OPCML: variants seen among roughly 807,000 people sequenced by gnomAD.
OPCML encodes the protein opioid binding protein/cell adhesion molecule like, also known as opioid-binding protein/cell adhesion molecule.
Under a neutral mutation model 37.8 loss-of-function variants are expected in OPCML, and 13 were observed. That is an observed-to-expected ratio of 0.34 (90% CI 0.22 to 0.55). OPCML has a LOEUF of 0.55. Ranked by LOEUF, OPCML falls within the 20% of genes least tolerant of loss-of-function variation. The pLI, the probability that OPCML is intolerant of heterozygous loss-of-function variation, is 0.91. For missense variants in OPCML, 341 were observed against 435.6 expected (o/e 0.78, Z 1.93); for synonymous variants, 176 against 168.8 (o/e 1.04, Z -0.33).
intron 1 of OPCML, among the ~76,000 whole-genome samples, chr11:133,079,745 C>T (rs550422985): frequency 7.9e-5 from 12 of 152,002 alleles, no homozygotes; most frequent in East Asian, 1.9e-4. Context: ...CCTCCACTTC[C>T]GCCTGCCTGT....
chr11:132,999,610 C>T (rs1946957767), intron 1 of OPCML, among the ~76,000 whole-genome samples: 1 of 150,512 alleles, frequency 6.6e-6, no homozygotes, highest in Non-Finnish European at 1.5e-5. Context: ...AGCTTTTTAA[C>T]ATTTAAATTT....
At chr11:132,730,002 A>G (rs868767694) in intron 2 of OPCML, among the ~76,000 whole-genome samples, 2 of 134,690 alleles carry the variant, frequency 1.5e-5, no homozygotes, top group South Asian at 2.4e-4. Context: ...GCAGTCTTCT[A>G]TGTGACTTTT....
chr11:133,083,155 C>A (rs1171502496), intron 1 of OPCML, among the ~76,000 whole-genome samples: 1 of 150,894 alleles, frequency 6.6e-6, no homozygotes, highest in African/African-American at 2.5e-5. Context: ...CACACACACA[C>A]ACGCACACAC....
chr11:133,080,919 T>G (rs1357496749), intron 1 of OPCML, among the ~76,000 whole-genome samples: 2 of 151,986 alleles, frequency 1.3e-5, no homozygotes, highest in Non-Finnish European at 2.9e-5. Context: ...GGTCTCGGAG[T>G]CTAGTGGGGA....
intron 2 of OPCML, among the ~76,000 whole-genome samples, chr11:132,839,325 C>T (rs897149625): frequency 6.6e-6 from 1 of 152,118 alleles, no homozygotes; most frequent in African/African-American, 2.4e-5. Flanking sequence ...GACAGGGGAA[C>T]GCTAGAACCC....
chr11:133,238,602 C>A (rs902641004), intron 1 of OPCML, among the ~76,000 whole-genome samples: 13 of 152,242 alleles, frequency 8.5e-5, no homozygotes, highest in Admixed American at 5.9e-4. Flanking sequence ...TCCTACCCAC[C>A]CACCTGCAAG....
intron 3 of OPCML, among the ~76,000 whole-genome samples, chr11:132,609,579 C>T (rs1370555471): frequency 1.3e-5 from 2 of 152,194 alleles, no homozygotes; most frequent in African/African-American, 4.8e-5. Context: ...ACACCATTCC[C>T]ACCACGCTTC....
At chr11:133,221,613 G>A (rs1461799857) in intron 1 of OPCML, among the ~76,000 whole-genome samples, 2 of 152,198 alleles carry the variant, frequency 1.3e-5, no homozygotes, top group Admixed American at 6.5e-5. Context: ...GAAGGTGCAA[G>A]GCAGTGTCTC....
At chr11:133,038,487 A>G (rs1001760901) in intron 1 of OPCML, among the ~76,000 whole-genome samples, 5 of 152,232 alleles carry the variant, frequency 3.3e-5, no homozygotes, top group African/African-American at 9.6e-5. Context: ...GACAATTATA[A>G]AAAGATTCAT....
chr11:132,798,402 C>A (rs568033248), intron 2 of OPCML, among the ~76,000 whole-genome samples: 1 of 152,200 alleles, frequency 6.6e-6, no homozygotes. Flanking sequence ...TACTTCAATC[C>A]TTTGCTGTCA....
intron 2 of OPCML, among the ~76,000 whole-genome samples, chr11:132,941,285 T>G (rs558082307): frequency 3.5e-4 from 54 of 152,256 alleles, no homozygotes; most frequent in African/African-American, 1.2e-3. Context: ...AGCTCAAGTT[T>G]TGAAGTTTCT....
chr11:133,436,486 C>CT (rs1190833157), intron 1 of OPCML, among the ~76,000 whole-genome samples: 5 of 152,190 alleles, frequency 3.3e-5, no homozygotes, highest in African/African-American at 1.2e-4. Flanking sequence ...CTCCGCTCAT[C>CT]TTTCACTTAA....
chr11:132,718,143 A>C (rs1216410187), intron 2 of OPCML, among the ~76,000 whole-genome samples: 1 of 151,912 alleles, frequency 6.6e-6, no homozygotes, highest in Non-Finnish European at 1.5e-5. Flanking sequence ...CTCCACTCCA[A>C]TTTGGTTCAC....
chr11:133,457,931 G>A (rs1395335936), intron 1 of OPCML, among the ~76,000 whole-genome samples: 2 of 152,064 alleles, frequency 1.3e-5, no homozygotes, highest in Non-Finnish European at 2.9e-5. Flanking sequence ...TGGGTCATGA[G>A]GTCAGGAGTT....
At chr11:133,019,278 C>A (rs759807543) in intron 1 of OPCML, among the ~76,000 whole-genome samples, 14 of 152,136 alleles carry the variant, frequency 9.2e-5, no homozygotes, top group Non-Finnish European at 1.8e-4. Context: ...GTTCTTGTGT[C>A]CTTCAGGATT....
At chr11:133,226,409 T>A (rs1265960603) in intron 1 of OPCML, among the ~76,000 whole-genome samples, 1 of 152,226 alleles carries the variant, frequency 6.6e-6, no homozygotes, top group Admixed American at 6.5e-5. Flanking sequence ...CCCAGTCAAA[T>A]GCTGATGGTT....
chr11:133,018,244 C>T (rs1947375576), intron 1 of OPCML, among the ~76,000 whole-genome samples: 1 of 152,046 alleles, frequency 6.6e-6, no homozygotes, highest in African/African-American at 2.4e-5. Context: ...AAATTGGCCC[C>T]CTATTAAAAT....
intron 2 of OPCML, among the ~76,000 whole-genome samples, chr11:132,674,314 A>C (rs1000642225): frequency 1.3e-5 from 2 of 152,198 alleles, no homozygotes; most frequent in African/African-American, 4.8e-5. Context: ...AGGGAAAGGA[A>C]ATCCAAAGCC....
At chr11:132,697,168 T>C (rs1943629268) in intron 2 of OPCML, among the ~76,000 whole-genome samples, 1 of 152,192 alleles carries the variant, frequency 6.6e-6, no homozygotes, top group African/African-American at 2.4e-5. Flanking sequence ...AAATTGTGCA[T>C]ATTTAAGATG....
Sources: gnomAD v4.1 joint callset for allele counts (sites outside exome capture counted in the v4.1 genomes callset) on GRCh38, gnomAD v4.1.1 for gene constraint, MANE v1.5 for transcripts, NCBI Gene and HGNC (gene_info 2026-07-23, HGNC 2026-07-21) for gene names.